RNF214: variants seen among roughly 807,000 people sequenced by gnomAD.
RNF214 encodes ring finger protein 214.
Under a neutral mutation model 75.9 loss-of-function variants are expected in RNF214, and 25 were observed. The ratio of observed to expected loss-of-function variants is 0.33; its 90% CI spans 0.24 to 0.46. RNF214 has a LOEUF of 0.46. RNF214 is among the 20% of genes least tolerant of loss of function. The probability of loss-of-function intolerance (pLI) is 1.00; values close to 1 mark genes in which losing one functional copy is unlikely to be tolerated. For synonymous variants in RNF214, 314 were observed against 308.8 expected, an observed-to-expected ratio of 1.02 and a Z score of -0.18; for missense variants, 725 against 857.5, an observed-to-expected ratio of 0.85 and a Z score of 1.93.
rs145251227 is a variant in RNF214 at position 117,251,584 on chromosome 11, A to G, written c.959+4636A>G. The stretch of plus-strand genomic sequence containing the variant: ...GCTGGCCGGGTCATTTTATTATTTT[A>G]TTAACTTTTTCTTGGTTTGAAATTT... On this transcript the variant is annotated intron_variant, in intron 6 of 14. Coordinates refer to ENST00000300650, the MANE Select transcript of RNF214 (RefSeq NM_207343.4). Among the ~76,000 whole-genome samples the G allele has an allele frequency of 5.2e-3, 783 of 151,770 alleles. 10 individuals are homozygous for G. Among genetic ancestry groups the G allele is most frequent in the Non-Finnish European group, 8.2e-3 (558 of 67,876 alleles).
chr11:117,273,200 G>A (rs1015060062), intron 6 of RNF214, among the ~76,000 whole-genome samples: 1 of 152,096 alleles, frequency 6.6e-6, no homozygotes, highest in African/African-American at 2.4e-5. Context: ...CAGATAAGTA[G>A]TTGGAAAGCA....
In RNF214 at chr11:117,233,667, C is replaced by T. The variant is rs544972764; in HGVS notation, c.-6-600C>T. ...GAGAACCCAGGATTCTTTTTTGCAC[C>T]ACTAGTCACTCTGAAGAGTCTGTTC... On this transcript the variant is annotated intron_variant, in intron 1 of 14. Coordinates refer to ENST00000300650, the MANE Select transcript of RNF214 (RefSeq NM_207343.4). Among the ~76,000 whole-genome samples the T allele has an allele frequency of 5.3e-5, 8 of 152,154 alleles. No homozygotes were observed. The East Asian group carries it at 1.5e-3, about 29-fold the overall frequency.
Position 117,232,740 on chromosome 11 carries a change from C to T in RNF214, c.-7+14C>T, listed in dbSNP as rs2032737978. 6.6e-6 allele frequency: 1 copy of T among 151,242 alleles called. No homozygotes were observed. The highest frequency in any genetic ancestry group is 1.5e-5 in the Non-Finnish European group (1 of 67,532). The allele number at this position is 151,242 out of a possible 1,614,324, so 9.4% of individuals were successfully genotyped here. A position where few individuals can be genotyped will look rare whatever the true frequency, so the allele number is the denominator to read the frequency against. On this transcript the variant is annotated intron_variant, in intron 1 of 14. Coordinates refer to ENST00000300650, the MANE Select transcript of RNF214 (RefSeq NM_207343.4). ...CCGCCCGCTCAGGTGCGTCCCGTCCCTCCCCCACTTTCCTCCCGGGGGCGC... is the reference window on the plus strand; with the variant it reads ...CCGCCCGCTCAGGTGCGTCCCGTCCTTCCCCCACTTTCCTCCCGGGGGCGC...
intron 13 of RNF214, 74 bp downstream of exon 13, chr11:117,282,924 G>C: frequency 8.2e-7 from 1 of 1,219,560 alleles, no homozygotes; most frequent in Non-Finnish European, 1.2e-6. Flanking sequence ...TACAGGTGGA[G>C]TGCAGGAAGA....
rs1158252620 is a variant in RNF214, at chr11:117,234,358, A to G, written c.86A>G (p.Glu29Gly). Residue 29 changes from glutamate (E) to glycine (G), a missense_variant, in exon 2 of 15, where the codon GAA (glutamate) becomes GGA (glycine). Glu to Gly is a moderately conservative substitution (Grantham distance 98, BLOSUM62 -2). Transcript: ENST00000300650. The stretch of plus-strand genomic sequence containing the variant: ...AGTTTATGTGCTTCCAAATCAGACG[A>G]AGGTCTCCCAGATGGTCTAAGGTAA... ...SSSLCASKSD[E>G]GLPDGLSTKD... 1.2e-5 allele frequency: 19 copies of G among 1,613,676 alleles called. No individual in the cohort carries two copies. The highest frequency in any genetic ancestry group is 1.4e-5 in the Non-Finnish European group (17 of 1,179,568).
chr11:117,281,721 A>C (rs924313291), intron 10 of RNF214, 23 bp downstream of exon 10: 18 of 1,577,170 alleles, frequency 1.1e-5, no homozygotes, highest in Non-Finnish European at 1.6e-5. Flanking sequence ...CTTTGGGGGG[A>C]AGTTCACCTT....
chr11:117,255,778 T>C (rs967839410), intron 6 of RNF214, among the ~76,000 whole-genome samples: 3 of 152,236 alleles, frequency 2.0e-5, no homozygotes, highest in Non-Finnish European at 4.4e-5. Context: ...TTAGTTTTCG[T>C]AGAGTACCAA....
intron 5 of RNF214, among the ~76,000 whole-genome samples, chr11:117,246,090 C>G (rs554103578): frequency 2.6e-5 from 4 of 151,962 alleles, no homozygotes; most frequent in African/African-American, 9.7e-5. Flanking sequence ...CTCAGCCTCT[C>G]GAGTATCTGG....
At chr11:117,265,469 A>G (rs1200035804) in intron 6 of RNF214, among the ~76,000 whole-genome samples, 1 of 151,880 alleles carries the variant, frequency 6.6e-6, no homozygotes, top group East Asian at 1.9e-4. Flanking sequence ...GCTGGAGTGC[A>G]ATGGCGTGAT....
intron 6 of RNF214, among the ~76,000 whole-genome samples, chr11:117,252,116 G>A (rs1016926213): frequency 6.6e-6 from 1 of 152,176 alleles, no homozygotes; most frequent in Admixed American, 6.5e-5. Context: ...TGATGTGCCC[G>A]CCTTGGCCTC....
chr11:117,266,190 AT>A (rs909511809), intron 6 of RNF214, among the ~76,000 whole-genome samples: 2 of 151,516 alleles, frequency 1.3e-5, no homozygotes, highest in African/African-American at 2.4e-5. Flanking sequence ...GTATTGTGTC[AT>A]TTTTTTTCTG....
At chr11:117,263,988 T>A (rs2134396378) in intron 6 of RNF214, 1 of 170,822 alleles carries the variant, frequency 5.9e-6, no homozygotes, top group South Asian at 1.3e-4. Flanking sequence ...TAAGTGGTAT[T>A]GGAGCAGCTC....
rs547583867 is a variant in RNF214 at position 117,258,916 on chromosome 11, A to G, written c.959+11968A>G. Among the ~76,000 whole-genome samples the G allele has an allele frequency of 2.0e-5, 3 of 152,188 alleles. No homozygotes were observed. The East Asian group carries it at 5.8e-4, about 29-fold the overall frequency. On this transcript the variant is annotated intron_variant, in intron 6 of 14. Coordinates refer to ENST00000300650, the MANE Select transcript of RNF214 (RefSeq NM_207343.4). ...TATTTCTTTCGGCAGAATGCTTTTA[A>G]TATTCATGTTGTCCGTTTTTACTGT... is the stretch of plus-strand genomic sequence containing the variant.
intron 6 of RNF214, among the ~76,000 whole-genome samples, chr11:117,270,513 C>A (rs1213795167): frequency 6.6e-6 from 1 of 151,876 alleles, no homozygotes; most frequent in African/African-American, 2.4e-5. Context: ...CTCACTGCAA[C>A]CTCCACCTCC....
chr11:117,267,344 G>T (rs755074158), intron 6 of RNF214, among the ~76,000 whole-genome samples: 1 of 152,030 alleles, frequency 6.6e-6, no homozygotes, highest in African/African-American at 2.4e-5. Flanking sequence ...GAGGTTAATA[G>T]TTTTAACTTT....
chr11:117,248,233 G>T (rs2033281182), intron 6 of RNF214, among the ~76,000 whole-genome samples: 1 of 152,048 alleles, frequency 6.6e-6, no homozygotes, highest in Non-Finnish European at 1.5e-5. Flanking sequence ...CCGCCACCAT[G>T]CCTGGCTAAC....
At chr11:117,247,753 A>T (rs1204446119) in intron 6 of RNF214, among the ~76,000 whole-genome samples, 2 of 150,492 alleles carry the variant, frequency 1.3e-5, no homozygotes, top group African/African-American at 4.9e-5. Flanking sequence ...CGGGAAGCTG[A>T]GGCAGGGGAA....
At chr11:117,271,059 T>C (rs1389373004) in intron 6 of RNF214, among the ~76,000 whole-genome samples, 2 of 151,992 alleles carry the variant, frequency 1.3e-5, no homozygotes, top group African/African-American at 4.8e-5. Context: ...GCCACCACGC[T>C]TGGCTAATTT....
At chr11:117,239,470 A>G in intron 3 of RNF214, 1 of 455,328 alleles carries the variant, frequency 2.2e-6, no homozygotes, top group South Asian at 2.4e-5. Flanking sequence ...TAAGAAGTAC[A>G]GTGTATCCTG....
Sources: gnomAD v4.1 joint callset for allele counts (sites outside exome capture counted in the v4.1 genomes callset) on GRCh38, gnomAD v4.1.1 for gene constraint, MANE v1.5 for transcripts, NCBI Gene and HGNC (gene_info 2026-07-23, HGNC 2026-07-21) for gene names.